SKAP1: variants seen among roughly 807,000 people sequenced by gnomAD.
The protein encoded by SKAP1 is src kinase-associated phosphoprotein 1.
In SKAP1, 44 loss-of-function variants were observed where a neutral mutation model predicts 58.5. That is an observed-to-expected ratio of 0.75 (90% CI 0.59 to 0.97). The LOEUF is 0.97. SKAP1 is among the 50% of genes least tolerant of loss of function. The pLI, the probability that SKAP1 is intolerant of heterozygous loss-of-function variation, is 0.00. For missense variants in SKAP1, 390 were observed against 435.2 expected, an observed-to-expected ratio of 0.90 and a Z score of 0.92; for synonymous variants, 127 against 149.7, an observed-to-expected ratio of 0.85 and a Z score of 1.11.
rs112373276 is a variant in SKAP1, at chr17:48,157,845, C to T, written c.978+4624G>A. On this transcript the variant is annotated intron_variant, in intron 11 of 12. Coordinates refer to ENST00000336915, the MANE Select transcript of SKAP1 (RefSeq NM_003726.4). ...CACCTAGCCACTGGGGAGCATCTTT[C>T]TTGCCCAGTCAATCATCTTCTCTGG... 3.4e-3 allele frequency among the ~76,000 whole-genome samples: 501 copies of T among 149,544 alleles called. 7 individuals are homozygous for T. The highest frequency in any genetic ancestry group is 0.012 in the African/African-American group (489 of 41,036).
At chr17:48,154,375 C>T (rs147145057) in intron 11 of SKAP1, among the ~76,000 whole-genome samples, 184 of 152,344 alleles carry the variant, frequency 1.2e-3, no homozygotes, top group African/African-American at 4.3e-3. Flanking sequence ...GTTTCCACAT[C>T]AATTCCATCA....
intron 4 of SKAP1, among the ~76,000 whole-genome samples, chr17:48,246,759 T>C (rs975727233): frequency 1.3e-5 from 2 of 152,158 alleles, no homozygotes; most frequent in African/African-American, 4.8e-5. Context: ...CTAAACTGAC[T>C]GATCTCCTTG....
At chr17:48,362,539 T>A (rs1437472544) in intron 3 of SKAP1, among the ~76,000 whole-genome samples, 1 of 152,238 alleles carries the variant, frequency 6.6e-6, no homozygotes, top group African/African-American at 2.4e-5. Flanking sequence ...CATTATTACA[T>A]AAAATTATCC....
At chr17:48,370,188 A>C (rs892942810) in intron 2 of SKAP1, among the ~76,000 whole-genome samples, 1 of 152,254 alleles carries the variant, frequency 6.6e-6, no homozygotes, top group African/African-American at 2.4e-5. Context: ...AAGCATGAAC[A>C]GACACTTCTT....
chr17:48,273,138 C>T (rs1598496000), intron 4 of SKAP1, among the ~76,000 whole-genome samples: 1 of 152,100 alleles, frequency 6.6e-6, no homozygotes, highest in Non-Finnish European at 1.5e-5. Context: ...CACTTTCCTG[C>T]CTAATCAGCA....
At chr17:48,344,876 AAG>A (rs1387717865) in intron 4 of SKAP1, among the ~76,000 whole-genome samples, 3 of 152,250 alleles carry the variant, frequency 2.0e-5, no homozygotes, top group African/African-American at 7.2e-5. Context: ...ATAAAGTAAA[AAG>A]AGAGAGTAAA....
chr17:48,413,670 C>T (rs1440226231), intron 1 of SKAP1, among the ~76,000 whole-genome samples: 1 of 151,436 alleles, frequency 6.6e-6, no homozygotes, highest in Non-Finnish European at 1.5e-5. Flanking sequence ...CAATATATTA[C>T]CTCCTTTATT....
At chr17:48,222,387 C>A (rs1024795505) in intron 4 of SKAP1, among the ~76,000 whole-genome samples, 10 of 152,108 alleles carry the variant, frequency 6.6e-5, no homozygotes, top group Non-Finnish European at 1.3e-4. Flanking sequence ...TATTGATGAA[C>A]TGACTTGGGT....
At chr17:48,414,382 C>T (rs150958589) in intron 1 of SKAP1, among the ~76,000 whole-genome samples, 11 of 152,120 alleles carry the variant, frequency 7.2e-5, no homozygotes, top group African/African-American at 2.7e-4. Context: ...TGCAGAGGTC[C>T]AGAGGTGAGA....
rs16953017 is a variant in SKAP1 at position 48,150,061 on chromosome 17, C to T, written c.978+12408G>A. 2.0e-3 allele frequency among the ~76,000 whole-genome samples: 297 copies of T among 152,226 alleles called. 1 individual carries two copies. The highest frequency in any genetic ancestry group is 6.9e-3 in the African/African-American group (285 of 41,526). On this transcript the variant is annotated intron_variant, in intron 11 of 12. Coordinates refer to ENST00000336915, the MANE Select transcript of SKAP1 (RefSeq NM_003726.4). Reference sequence around the variant, plus strand: ...TTTAAAGTACTGCACTCTTGTTGGACGGAAATTAGCAGCGATTGAAATTAA... The same window carrying T: ...TTTAAAGTACTGCACTCTTGTTGGATGGAAATTAGCAGCGATTGAAATTAA...
rs2064393130 is a variant in SKAP1, at chr17:48,183,142, T to A, written c.568-685A>T. Among the ~76,000 whole-genome samples, 3 of 152,166 alleles carry A rather than the reference T, an allele frequency of 2.0e-5. No individual in the cohort carries two copies. The South Asian group carries it at 6.2e-4, about 32-fold the overall frequency. On this transcript the variant is annotated intron_variant, in intron 7 of 12. Coordinates refer to ENST00000336915, the MANE Select transcript of SKAP1 (RefSeq NM_003726.4). ...AAATGCAGGCAACAGGAAGCCACTA[T>A]CAGCTCTAGCAAAAGGAGTGGGGGA...
At chr17:48,197,349 G>C (rs2064650192) in intron 4 of SKAP1, among the ~76,000 whole-genome samples, 1 of 151,568 alleles carries the variant, frequency 6.6e-6, no homozygotes, top group African/African-American at 2.4e-5. Flanking sequence ...AAGAAACCCT[G>C]TTCCAGTGTA....
intron 2 of SKAP1, among the ~76,000 whole-genome samples, chr17:48,394,971 T>C (rs2067397088): frequency 6.6e-6 from 1 of 152,202 alleles, no homozygotes; most frequent in African/African-American, 2.4e-5. Context: ...TCATCTTTCT[T>C]GCAACAAGTC....
intron 2 of SKAP1, among the ~76,000 whole-genome samples, chr17:48,380,620 A>T (rs1657188872): frequency 6.6e-6 from 1 of 152,170 alleles, no homozygotes; most frequent in Non-Finnish European, 1.5e-5. Flanking sequence ...GGTTTTTGTT[A>T]AAAAACCTGA....
At chr17:48,432,509 C>T (rs907303173), upstream of SKAP1, among the ~76,000 whole-genome samples, 1 of 152,082 alleles carries the variant, frequency 6.6e-6, no homozygotes, top group Non-Finnish European at 1.5e-5. Flanking sequence ...GTACCAGGTA[C>T]CCCCATGGCA....
intron 4 of SKAP1, among the ~76,000 whole-genome samples, chr17:48,216,162 A>T (rs2064936327): frequency 3.3e-5 from 5 of 152,200 alleles, no homozygotes. Flanking sequence ...TGTCACACAC[A>T]TGTTGTTCTT....
intron 11 of SKAP1, among the ~76,000 whole-genome samples, chr17:48,151,955 C>T (rs1201849001): frequency 6.6e-6 from 1 of 152,136 alleles, no homozygotes; most frequent in African/African-American, 2.4e-5. Context: ...GAGAAAGGTT[C>T]AGAATATTCT....
chr17:48,269,389 A>G (rs1268356508), intron 4 of SKAP1, among the ~76,000 whole-genome samples: 1 of 152,128 alleles, frequency 6.6e-6, no homozygotes, highest in African/African-American at 2.4e-5. Context: ...TCCACTAGAT[A>G]CACTAGAGAC....
chr17:48,214,503 G>A (rs1443085819), intron 4 of SKAP1, among the ~76,000 whole-genome samples: 2 of 152,098 alleles, frequency 1.3e-5, no homozygotes, highest in South Asian at 2.1e-4. Flanking sequence ...CAAACTCTTG[G>A]GTTCAAGCAA....
Sources: allele counts gnomAD v4.1 joint callset (sites outside exome capture counted in the v4.1 genomes callset), GRCh38; gene constraint gnomAD v4.1.1; transcripts MANE v1.5; gene names NCBI Gene and HGNC (gene_info 2026-07-23, HGNC 2026-07-21).